The following MALRD1 variants were observed in gnomAD, a reference collection of about 807,000 sequenced individuals.
The protein encoded by MALRD1 is MAM and LDL receptor class A domain containing 1, also known as MAM and LDL-receptor class A domain-containing protein 1.
MALRD1 carries 247 observed loss-of-function variants against 242.1 expected under a neutral mutation model. The ratio of observed to expected loss-of-function variants is 1.02; its 90% CI spans 0.92 to 1.13. The LOEUF (loss-of-function observed/expected upper bound fraction) is 1.13, where lower values mean the gene tolerates loss of function less well. MALRD1 is among the 50% of genes most tolerant of loss of function. The pLI is 0.00. For synonymous variants in MALRD1, 995 were observed against 866.6 expected, an observed-to-expected ratio of 1.15 and a Z score of -2.60; for missense variants, 2,989 against 2,533.1, an observed-to-expected ratio of 1.18 and a Z score of -3.86.
intron 11 of MALRD1, among the ~76,000 whole-genome samples, chr10:19,152,776 A>G (rs1007396834): frequency 2.0e-5 from 3 of 152,050 alleles, no homozygotes; most frequent in Non-Finnish European, 4.4e-5. Flanking sequence ...AACATGGGAA[A>G]TTTACTTCTC....
chr10:19,147,633 G>A (rs1833768692), intron 11 of MALRD1, among the ~76,000 whole-genome samples: 1 of 152,156 alleles, frequency 6.6e-6, no homozygotes, highest in South Asian at 2.1e-4. Context: ...CACAAAGATG[G>A]ATGCCACGAT....
At chr10:19,059,322 A>C (rs145996756) in intron 1 of MALRD1, among the ~76,000 whole-genome samples, 1 of 150,348 alleles carries the variant, frequency 6.7e-6, no homozygotes, top group African/African-American at 2.5e-5. Flanking sequence ...GGGCTTCTAT[A>C]TCACTTTTCT....
chr10:19,165,802 C>T lies in MALRD1; in HGVS notation c.1822C>T (p.Pro608Ser). The stretch of plus-strand genomic sequence containing the variant: ...TGCAGAAGCGGGAGAATCTACTCTA[C>T]CTTTTCAGGTAAGCACATACGAAAT... ...LIAEAGESTLPFQLILEATVL... is the reference protein window; with the variant it reads ...LIAEAGESTLSFQLILEATVL... Residue 608 changes from proline to serine, a missense_variant, in exon 13 of 40, where the codon CCT becomes TCT. By Grantham distance (74) the Pro-to-Ser change is moderately conservative. Coordinates refer to ENST00000454679, the MANE Select transcript of MALRD1 (RefSeq NM_001142308.3). 2 of 1,231,606 alleles carry T rather than the reference C, an allele frequency of 1.6e-6. No individual in the cohort carries two copies. Among genetic ancestry groups the T allele is most frequent in the Admixed American group, 4.2e-5 (1 of 23,712 alleles). The allele number at this position is 1,231,606 out of a possible 1,614,324, so 76.3% of individuals were successfully genotyped here.
intron 24 of MALRD1, among the ~76,000 whole-genome samples, chr10:19,343,218 G>A (rs1264480410): frequency 6.6e-5 from 10 of 152,048 alleles, no homozygotes; most frequent in Admixed American, 6.6e-4. Flanking sequence ...TAATCAGCAA[G>A]TGATATTAAT....
intron 19 of MALRD1, among the ~76,000 whole-genome samples, chr10:19,262,245 G>A (rs948057001): frequency 6.6e-6 from 1 of 152,038 alleles, no homozygotes; most frequent in Admixed American, 6.6e-5. Context: ...TAGTCAAGGT[G>A]TACAATATGA....
At chr10:19,251,395 C>T (rs1490342200) in intron 18 of MALRD1, among the ~76,000 whole-genome samples, 1 of 151,958 alleles carries the variant, frequency 6.6e-6, no homozygotes, top group Non-Finnish European at 1.5e-5. Flanking sequence ...AATGGGCAGA[C>T]ATGCCAGCAG....
At chr10:19,385,003 T>C (rs1024068657) in intron 26 of MALRD1, among the ~76,000 whole-genome samples, 8 of 152,058 alleles carry the variant, frequency 5.3e-5, no homozygotes, top group African/African-American at 1.4e-4. Context: ...ATGCTTTTTC[T>C]GCATCTATTG....
At chr10:19,699,073 G>C (rs912407683) in intron 38 of MALRD1, among the ~76,000 whole-genome samples, 5 of 152,210 alleles carry the variant, frequency 3.3e-5, no homozygotes, top group East Asian at 1.9e-4. Context: ...GAGAGCATTA[G>C]GACAAATACC....
intron 4 of MALRD1, among the ~76,000 whole-genome samples, chr10:19,098,375 A>G (rs1836121520): frequency 6.6e-6 from 1 of 152,208 alleles, no homozygotes; most frequent in Non-Finnish European, 1.5e-5. Flanking sequence ...AGTTCTCAGC[A>G]GCCTCCTATT....
At chr10:19,180,301 A>G (rs1361754540) in intron 14 of MALRD1, among the ~76,000 whole-genome samples, 2 of 152,222 alleles carry the variant, frequency 1.3e-5, no homozygotes, top group Admixed American at 6.5e-5. Flanking sequence ...CCATGCTGTG[A>G]CCCACAAAAA....
intron 4 of MALRD1, among the ~76,000 whole-genome samples, chr10:19,098,136 TTTG>T (rs950916566): frequency 6.6e-6 from 1 of 152,154 alleles, no homozygotes; most frequent in African/African-American, 2.4e-5. Flanking sequence ...TTCACTCCTT[TTTG>T]TTGTTGTTCT....
intron 24 of MALRD1, among the ~76,000 whole-genome samples, chr10:19,343,265 A>T (rs900641728): frequency 5.3e-5 from 8 of 152,144 alleles, no homozygotes; most frequent in African/African-American, 9.7e-5. Flanking sequence ...TTATGAATTC[A>T]TAGAAACTTC....
At chr10:19,097,343 A>T (rs1485779248) in intron 4 of MALRD1, among the ~76,000 whole-genome samples, 9 of 151,586 alleles carry the variant, frequency 5.9e-5, no homozygotes, top group Admixed American at 5.9e-4. Context: ...TACATAGCGG[A>T]AAAAAAAGCC....
chr10:19,720,361 A>ATTTTTTTTT (rs1398153036), intron 38 of MALRD1, among the ~76,000 whole-genome samples: 30 of 152,222 alleles, frequency 2.0e-4, no homozygotes, highest in Non-Finnish European at 1.5e-4. Flanking sequence ...ATTTTCTAAA[A>ATTTTTTTTT]TAATGTGGTT....
At chr10:19,357,002 G>T (rs534425260) in intron 26 of MALRD1, among the ~76,000 whole-genome samples, 34 of 151,972 alleles carry the variant, frequency 2.2e-4, no homozygotes, top group African/African-American at 7.5e-4. Flanking sequence ...CCAGCTACCT[G>T]GGAGGCTGAG....
intron 38 of MALRD1, among the ~76,000 whole-genome samples, chr10:19,706,956 A>G (rs1268406418): frequency 6.6e-6 from 1 of 151,880 alleles, no homozygotes; most frequent in Non-Finnish European, 1.5e-5. Context: ...TACACTGACA[A>G]CTTCCAGTAA....
chr10:19,683,387 G>A (rs113524785), intron 36 of MALRD1, among the ~76,000 whole-genome samples: 5 of 152,304 alleles, frequency 3.3e-5, no homozygotes, highest in African/African-American at 1.2e-4. Flanking sequence ...GCTTGGCATA[G>A]CACTTTACAG....
At chr10:19,279,123 C>T (rs182319708) in intron 19 of MALRD1, among the ~76,000 whole-genome samples, 154 of 152,212 alleles carry the variant, frequency 1.0e-3, no homozygotes, top group African/African-American at 3.1e-3. Flanking sequence ...CATGAAGCTT[C>T]GGAGCAGCCT....
intron 32 of MALRD1, among the ~76,000 whole-genome samples, chr10:19,548,326 G>C (rs1434845150): frequency 6.6e-6 from 1 of 151,904 alleles, no homozygotes; most frequent in Non-Finnish European, 1.5e-5. Context: ...GGGTTGATTA[G>C]ATTTTCTTTT....
Sources: allele counts gnomAD v4.1 joint callset (sites outside exome capture counted in the v4.1 genomes callset), GRCh38; gene constraint gnomAD v4.1.1; transcripts MANE v1.5; gene names NCBI Gene and HGNC (gene_info 2026-07-23, HGNC 2026-07-21).